The following COL22A1 variants were observed in gnomAD, a reference collection of about 807,000 sequenced individuals.
COL22A1 encodes collagen type XXII alpha 1 chain.
A neutral mutation model predicts 248.9 loss-of-function variants in COL22A1; 221 were observed. That is an observed-to-expected ratio of 0.89 (90% CI 0.80 to 0.99). COL22A1 has a LOEUF of 0.99. Among genes scored for constraint, COL22A1 ranks in the 50% least tolerant of loss-of-function variants. COL22A1 has a pLI of 0.00. For missense variants in COL22A1, 2,240 were observed against 2,179.0 expected (o/e 1.03, Z -0.56); for synonymous variants, 891 against 793.4 (o/e 1.12, Z -2.07).
At chr8:138,662,521 C>T (rs556873813) in intron 42 of COL22A1, among the ~76,000 whole-genome samples, 3 of 152,162 alleles carry the variant, frequency 2.0e-5, no homozygotes, top group African/African-American at 7.2e-5. Context: ...GATTACAACT[C>T]TTTGTAAGAA....
At chr8:138,693,554 G>A in intron 35 of COL22A1, 92 bp downstream of exon 35, 1 of 1,341,634 alleles carries the variant, frequency 7.5e-7, no homozygotes, top group South Asian at 1.3e-5. Context: ...CTCCTAGCTA[G>A]CCCAGAGCTG....
At chr8:138,675,940 T>G (rs1007121134) in intron 41 of COL22A1, among the ~76,000 whole-genome samples, 1 of 152,128 alleles carries the variant, frequency 6.6e-6, no homozygotes. Flanking sequence ...TGCCTTCTAT[T>G]TCTAGAGGCA....
At chr8:138,709,576 G>A (rs1309304464) in intron 30 of COL22A1, among the ~76,000 whole-genome samples, 3 of 146,816 alleles carry the variant, frequency 2.0e-5, no homozygotes, top group Non-Finnish European at 4.5e-5. Flanking sequence ...TCATAGGTGG[G>A]AATTGAACAA....
chr8:138,777,904 A>AT (rs1333683973), intron 15 of COL22A1: 1 of 196,998 alleles, frequency 5.1e-6, no homozygotes, highest in Non-Finnish European at 1.0e-5. Context: ...CTCATACACC[A>AT]TATCTGTTTG....
At chr8:138,741,998 TTGATGG>T (rs984418196) in intron 22 of COL22A1, among the ~76,000 whole-genome samples, 4 of 126,546 alleles carry the variant, frequency 3.2e-5, no homozygotes, top group South Asian at 5.2e-4. Context: ...GATGGTGGAG[TTGATGG>T]TGATGGTGAT....
intron 30 of COL22A1, among the ~76,000 whole-genome samples, chr8:138,705,338 A>G (rs1469748397): frequency 6.6e-6 from 1 of 152,206 alleles, no homozygotes; most frequent in Non-Finnish European, 1.5e-5. Context: ...TGTCAGATTC[A>G]CCAAAGTTGA....
At chr8:138,862,495 G>A (rs954532425) in intron 3 of COL22A1, among the ~76,000 whole-genome samples, 3 of 151,790 alleles carry the variant, frequency 2.0e-5, no homozygotes, top group African/African-American at 7.3e-5. Flanking sequence ...GTCCTCAGAA[G>A]GGTCCCTTAA....
chr8:138,827,000 C>A (rs1466906581), intron 5 of COL22A1, among the ~76,000 whole-genome samples: 1 of 152,180 alleles, frequency 6.6e-6, no homozygotes, highest in Non-Finnish European at 1.5e-5. Flanking sequence ...CCAACATCAG[C>A]ACCTTCAAAT....
chr8:138,812,050 TCCTGAGGCCTTGGGGCAGAAAG>T, intron 8 of COL22A1, 129 bp from the exon 9 acceptor site: 1 of 1,115,426 alleles, frequency 9.0e-7, no homozygotes, highest in Non-Finnish European at 1.3e-6. Flanking sequence ...AGGATGTCTC[TCCTGAGGCCTTGGGGCAGAAAG>T]CCTGGCCGGC....
rs1816821175 is a variant in COL22A1, at chr8:138,589,136, A to C, written c.*117T>G. On this transcript the variant is annotated 3_prime_UTR_variant, in exon 65 of 65. Coordinates refer to ENST00000303045, the MANE Select transcript of COL22A1 (RefSeq NM_152888.3). ...AAATAAAACAAAAAGCAAACGATAA[A>C]AGAAAGAAAAAAAAAAGGAACACAT... The C allele has an allele frequency of 1.2e-5, 12 of 966,912 alleles. No individual in the cohort carries two copies. Among genetic ancestry groups the C allele is most frequent in the Middle Eastern group, 2.2e-4 (1 of 4,572 alleles). 59.9% of individuals were successfully genotyped at this position (966,912 alleles called of 1,614,324 possible).
At chr8:138,795,160 T>A (rs1163961690) in intron 12 of COL22A1, among the ~76,000 whole-genome samples, 1 of 152,128 alleles carries the variant, frequency 6.6e-6, no homozygotes, top group Non-Finnish European at 1.5e-5. Flanking sequence ...GTGCTGTGCT[T>A]TTAAGTCACA....
intron 6 of COL22A1, among the ~76,000 whole-genome samples, 157 bp downstream of exon 6, chr8:138,826,501 C>A (rs1245201867): frequency 6.6e-6 from 1 of 152,106 alleles, no homozygotes; most frequent in Non-Finnish European, 1.5e-5. Flanking sequence ...TCATGACATC[C>A]CCCCTGCAGG....
At chr8:138,704,745 G>A (rs180945606) in intron 30 of COL22A1, among the ~76,000 whole-genome samples, 94 of 152,312 alleles carry the variant, frequency 6.2e-4, no homozygotes, top group African/African-American at 2.1e-3. Context: ...GCAGCTCCTC[G>A]CCAGCAATGG....
At chr8:138,865,925 ATGTG>A (rs1005324903) in intron 3 of COL22A1, among the ~76,000 whole-genome samples, 4 of 115,424 alleles carry the variant, frequency 3.5e-5, no homozygotes, top group Admixed American at 8.7e-5. Flanking sequence ...GTGAGTGTAT[ATGTG>A]TGTGTATGTT....
chr8:138,599,646 G>A (rs1817840647), intron 60 of COL22A1, among the ~76,000 whole-genome samples: 1 of 152,142 alleles, frequency 6.6e-6, no homozygotes, highest in Admixed American at 6.5e-5. Flanking sequence ...GATCGCTTGA[G>A]GCCAGGAGTT....
intron 56 of COL22A1, among the ~76,000 whole-genome samples, chr8:138,612,250 T>C (rs1818922303): frequency 6.6e-6 from 1 of 152,158 alleles, no homozygotes; most frequent in African/African-American, 2.4e-5. Flanking sequence ...ATTGATAATA[T>C]ATAGAGAGAC....
At chr8:138,645,792 C>G (rs1231982039) in intron 47 of COL22A1, among the ~76,000 whole-genome samples, 2 of 152,218 alleles carry the variant, frequency 1.3e-5, no homozygotes, top group African/African-American at 4.8e-5. Context: ...CCAGATGAGG[C>G]ATGCTATGTC....
chr8:138,872,269 C>T (rs1477984324), intron 3 of COL22A1, among the ~76,000 whole-genome samples: 1 of 152,154 alleles, frequency 6.6e-6, no homozygotes, highest in Non-Finnish European at 1.5e-5. Flanking sequence ...ATGAACACAT[C>T]CACAACAGGG....
rs186852169 is a variant in COL22A1 at position 138,864,958 on chromosome 8, G to A, written c.658+12792C>T. On this transcript the variant is annotated intron_variant, in intron 3 of 64. Coordinates refer to ENST00000303045, the MANE Select transcript of COL22A1 (RefSeq NM_152888.3). ...ACCTGCAGGGGGTTGTGGCACCCCA[G>A]GGCAGTGCCAATGAGCTCCTCTTAT... Among the ~76,000 whole-genome samples, 7 of 152,338 alleles carry A rather than the reference G, an allele frequency of 4.6e-5. No individual in the cohort carries two copies. In the East Asian group the frequency reaches 1.3e-3, roughly 29 times the overall value.
Sources: gnomAD v4.1 joint callset for allele counts (sites outside exome capture counted in the v4.1 genomes callset) on GRCh38, gnomAD v4.1.1 for gene constraint, MANE v1.5 for transcripts, NCBI Gene and HGNC (gene_info 2026-07-23, HGNC 2026-07-21) for gene names.